Variants in NCAN observed in about 807,000 individuals in gnomAD.
NCAN encodes neurocan core protein.
NCAN carries 47 observed loss-of-function variants against 121.8 expected under a neutral mutation model. The observed-to-expected ratio is 0.39, with a 90% CI of 0.31 to 0.49. The LOEUF is 0.49. Among genes scored for constraint, NCAN ranks in the 20% least tolerant of loss-of-function variants. NCAN has a pLI of 0.92. For synonymous variants in NCAN, 633 were observed against 702.0 expected, an observed-to-expected ratio of 0.90 and a Z score of 1.55; for missense variants, 1,517 against 1,773.4, an observed-to-expected ratio of 0.86 and a Z score of 2.60.
intron 12 of NCAN, 116 bp from the exon 13 acceptor site, chr19:19,245,197 C>T (rs2060920079): frequency 2.3e-6 from 3 of 1,297,018 alleles, no homozygotes; most frequent in Non-Finnish European, 3.2e-6. Flanking sequence ...GAGATGGGAA[C>T]ACTGAATCCC....
At chr19:19,239,737 T>G (rs1225905335) in intron 11 of NCAN, among the ~76,000 whole-genome samples, 1 of 105,908 alleles carries the variant, frequency 9.4e-6, no homozygotes, top group East Asian at 3.2e-4. Context: ...TCCCCAGGCC[T>G]CCTCCCTTCT....
At chr19:19,213,049 T>TG (rs1427341582) in intron 1 of NCAN, among the ~76,000 whole-genome samples, 1 of 152,020 alleles carries the variant, frequency 6.6e-6, no homozygotes, top group Non-Finnish European at 1.5e-5. Context: ...TCCCTACGCG[T>TG]GGGGCTTTGT....
chr19:19,219,251 T>C lies in NCAN; in HGVS notation c.410T>C (p.Leu137Pro). Reference protein sequence around the residue: ...LGPLRASDSGLYRCQVVRGIE... With the variant: ...LGPLRASDSGPYRCQVVRGIE... Reference sequence around the variant, plus strand: ...CCACTGAGGGCCAGTGACTCTGGGCTGTACCGCTGCCAGGTGGTGAGGGGC... The same window carrying C: ...CCACTGAGGGCCAGTGACTCTGGGCCGTACCGCTGCCAGGTGGTGAGGGGC... The change falls in exon 3 of 15, where the codon CTG becomes CCG. Residue 137 changes from leucine to proline, a missense_variant. Coordinates refer to ENST00000252575, the MANE Select transcript of NCAN (RefSeq NM_004386.3). 1 of 1,601,854 alleles carries C rather than the reference T, an allele frequency of 6.2e-7. No individual in the cohort carries two copies. Among genetic ancestry groups the C allele is most frequent in the South Asian group, 1.1e-5 (1 of 90,354 alleles).
In NCAN at chr19:19,249,820, A is replaced by G. The variant is rs775943135; in HGVS notation, c.3875A>G (p.Gln1292Arg). The change falls in exon 15 of 15, where the codon CAG becomes CGG. Residue 1292 changes from glutamine to arginine, a missense_variant. Physicochemically the swap from Gln to Arg is conservative, Grantham distance 43. Transcript: ENST00000252575. ...RHHHHHQHHHQHHHHKSRKER... is the reference protein window; with the variant it reads ...RHHHHHQHHHRHHHHKSRKER... ...CACCACCACCACCAACACCACCACC[A>G]GCATCACCACCACAAATCCCGCAAG... 2.5e-6 allele frequency: 4 copies of G among 1,613,568 alleles called. No homozygotes were observed. Among genetic ancestry groups the G allele is most frequent in the South Asian group, 2.2e-5 (2 of 91,012 alleles).
At chr19:19,226,037 C>T (rs747190264) in intron 6 of NCAN, among the ~76,000 whole-genome samples, 19 of 152,136 alleles carry the variant, frequency 1.2e-4, no homozygotes, top group Non-Finnish European at 2.5e-4. Flanking sequence ...TCAAGCAATT[C>T]TCCTGCCTCA....
chr19:19,225,023 C>T lies in NCAN; in HGVS notation c.825C>T (p.Gly275=). 1 of 1,482,000 alleles carries T rather than the reference C, an allele frequency of 6.7e-7. No homozygotes were observed. Among genetic ancestry groups the T allele is most frequent in the Non-Finnish European group, 8.9e-7 (1 of 1,124,668 alleles). The allele number at this position is 1,482,000 out of a possible 1,614,324, so 91.8% of individuals were successfully genotyped here. A position where few individuals can be genotyped will look rare whatever the true frequency, so the allele number is the denominator to read the frequency against. The part of the protein sequence containing the change: ...VGPARRLTLA[G]ARAQCRRQGA... ...CGGCCCGCCGCCTGACACTGGCCGG[C>T]GCGCGTGCACAGTGCCGCCGCCAGG... Residue 275 remains glycine (G), a synonymous_variant, in exon 6 of 15, where the codon GGC becomes GGT. Transcript: ENST00000252575. The surrounding 1 kb of genome is among the most constrained non-coding windows in gnomAD (Gnocchi z 4.0).
chr19:19,243,371 C>T (rs2060910757), intron 12 of NCAN, among the ~76,000 whole-genome samples: 1 of 151,696 alleles, frequency 6.6e-6, no homozygotes, highest in South Asian at 2.1e-4. Flanking sequence ...CAAAAATTAG[C>T]CAGGCGTGGT....
chr19:19,227,463 A>T lies in NCAN; in HGVS notation c.1843A>T (p.Ser615Cys). ...SPLEATVSAPSPAPWEAFPVA... is the reference protein window; with the variant it reads ...SPLEATVSAPCPAPWEAFPVA... Reference sequence around the variant, plus strand: ...CTTGGAGGCCACTGTCTCAGCTCCCAGCCCTGCCCCCTGGGAGGCATTCCC... The same window carrying T: ...CTTGGAGGCCACTGTCTCAGCTCCCTGCCCTGCCCCCTGGGAGGCATTCCC... The change falls in exon 8 of 15, where the codon AGC becomes TGC. Residue 615 changes from serine (S) to cysteine (C), a missense_variant. Coordinates refer to ENST00000252575, the MANE Select transcript of NCAN (RefSeq NM_004386.3). The surrounding 1 kb of genome is among the most constrained non-coding windows in gnomAD (Gnocchi z 4.2). 6.2e-7 allele frequency: 1 copy of T among 1,613,538 alleles called. No homozygotes were observed. The highest frequency in any genetic ancestry group is 8.5e-7 in the Non-Finnish European group (1 of 1,179,848).
rs1333714287 is a variant in NCAN, at chr19:19,227,938, C to T, written c.2318C>T (p.Ala773Val). 7 of 1,613,536 alleles carry T rather than the reference C, an allele frequency of 4.3e-6. No homozygotes were observed. Among genetic ancestry groups the T allele is most frequent in the Middle Eastern group, 1.6e-4 (1 of 6,062 alleles). ...TAESPTSGLQ[A>V]TVDEVQDPWP... ...GAAAGCCCCACTTCTGGCTTGCAGG[C>T]CACTGTAGATGAGGTGCAGGACCCC... Residue 773 changes from alanine to valine, a missense_variant, in exon 8 of 15, where the codon GCC becomes GTC. Ala to Val is a moderately conservative substitution (Grantham distance 64, BLOSUM62 0). Transcript: ENST00000252575. The surrounding 1 kb of genome is among the most constrained non-coding windows in gnomAD (Gnocchi z 4.2).
Position 19,250,926 on chromosome 19 carries a change from G to A in NCAN, c.*1015G>A, listed in dbSNP as rs1064395. On this transcript the variant is annotated 3_prime_UTR_variant, in exon 15 of 15. Transcript: ENST00000252575. ...ACTTGAAGTAGTGACACCTACCTGC[G>A]GTCATATTGTAGAGAGATGCTCAGT... The A allele has an allele frequency of 0.24, 35,954 of 152,238 alleles. 5,564 individuals carry two copies. Among genetic ancestry groups the A allele is most frequent in the African/African-American group, 0.44 (18,213 of 41,464 alleles). 9.4% of individuals were successfully genotyped at this position (152,238 alleles called of 1,614,324 possible).
chr19:19,229,946 G>A (rs1405990213), intron 8 of NCAN, among the ~76,000 whole-genome samples: 1 of 152,136 alleles, frequency 6.6e-6, no homozygotes, highest in Admixed American at 6.5e-5. Context: ...AGGCTGCAGT[G>A]AGCTATGATA....
chr19:19,249,723 A>T, intron 14 of NCAN, 43 bp from the exon 15 acceptor site: 1 of 1,554,276 alleles, frequency 6.4e-7, no homozygotes. Flanking sequence ...CCTGCCTCTC[A>T]CCACCTTTTG....
intron 9 of NCAN, 47 bp from the exon 10 acceptor site, chr19:19,234,936 C>A (rs1178279221): frequency 7.6e-7 from 1 of 1,324,486 alleles, no homozygotes; most frequent in East Asian, 2.3e-5. Flanking sequence ...GGGCTCAGAG[C>A]CAAGGGGAAG....
intron 8 of NCAN, chr19:19,232,984 G>C (rs142099612): frequency 6.6e-6 from 1 of 151,894 alleles, no homozygotes; most frequent in Non-Finnish European, 1.5e-5. Flanking sequence ...CTGTCACCCA[G>C]GCTGGAGGCG....
intron 10 of NCAN, among the ~76,000 whole-genome samples, chr19:19,237,461 C>T (rs1206812156): frequency 6.6e-6 from 1 of 151,468 alleles, no homozygotes; most frequent in Non-Finnish European, 1.5e-5. Context: ...TACACTCCAG[C>T]CTGGGCAACA....
At chr19:19,229,033 C>T (rs1436973476) in intron 8 of NCAN, among the ~76,000 whole-genome samples, 2 of 152,154 alleles carry the variant, frequency 1.3e-5, no homozygotes, top group Non-Finnish European at 2.9e-5. Flanking sequence ...CATGGCAAAA[C>T]TCCGTCTCTA....
Position 19,225,551 on chromosome 19 carries a change from C to G in NCAN, c.1072+281C>G, listed in dbSNP as rs2060833320. Reference sequence around the variant, plus strand: ...GCTGTATCTCCTGAGGTCCGGAGGCCCCATAACCTTGAAAGACAAGCCCCT... The same window carrying G: ...GCTGTATCTCCTGAGGTCCGGAGGCGCCATAACCTTGAAAGACAAGCCCCT... On this transcript the variant is annotated intron_variant, in intron 6 of 14. Transcript: ENST00000252575. The surrounding 1 kb of genome is among the most constrained non-coding windows in gnomAD (Gnocchi z 4.0). 6.6e-6 allele frequency among the ~76,000 whole-genome samples: 1 copy of G among 152,170 alleles called. No individual in the cohort carries two copies. Among genetic ancestry groups the G allele is most frequent in the Non-Finnish European group, 1.5e-5 (1 of 68,022 alleles).
At chr19:19,235,583 A>AT (rs531216196) in intron 10 of NCAN, among the ~76,000 whole-genome samples, 10,851 of 123,290 alleles carry the variant, frequency 0.088, 436 homozygotes, top group Middle Eastern at 0.15. Context: ...ATTTTATTTT[A>AT]TTTTTTTTTT....
intron 1 of NCAN, among the ~76,000 whole-genome samples, chr19:19,215,209 C>T (rs1159954405): frequency 6.6e-6 from 1 of 152,204 alleles, no homozygotes; most frequent in Non-Finnish European, 1.5e-5. Flanking sequence ...AAAGGGACAG[C>T]TGTCACATAC....
Sources: gnomAD v4.1 joint callset for allele counts (sites outside exome capture counted in the v4.1 genomes callset) on GRCh38, gnomAD v4.1.1 for gene constraint, Gnocchi (gnomAD v3.1) non-coding constraint, MANE v1.5 for transcripts, NCBI Gene and HGNC (gene_info 2026-07-23, HGNC 2026-07-21) for gene names.